The following LDB3 variants were observed in gnomAD, a reference collection of about 807,000 sequenced individuals.
LDB3 encodes LIM domain-binding protein 3.
LDB3 carries 49 observed loss-of-function variants against 69.0 expected under a neutral mutation model. That is an observed-to-expected ratio of 0.71 (90% CI 0.56 to 0.90). LDB3 has a LOEUF of 0.90. Among genes scored for constraint, LDB3 ranks in the 40% least tolerant of loss-of-function variants. The pLI is 0.00. For synonymous variants in LDB3, 387 were observed against 396.2 expected (o/e 0.98, Z 0.28); for missense variants, 928 against 974.1 (o/e 0.95, Z 0.63).
At position 86,734,666 on chromosome 10, in the gene LDB3, G is replaced by A. The variant is rs1043819161; in HGVS notation, c.*1690G>A. The A allele has an allele frequency of 1.3e-5, 2 of 152,176 alleles. No homozygotes were observed. Among genetic ancestry groups the A allele is most frequent in the African/African-American group, 4.8e-5 (2 of 41,436 alleles). The allele number at this position is 152,176 out of a possible 1,614,324, so 9.4% of individuals were successfully genotyped here. On this transcript the variant is annotated 3_prime_UTR_variant, in exon 14 of 14. Coordinates refer to ENST00000361373, the MANE Select transcript of LDB3 (RefSeq NM_007078.3). ...AAGGAAGCAGCTAGCTATGTCCCTAGCTGCAGGAAGCCCCTATTTTTTCCA... is the reference window on the plus strand; with the variant it reads ...AAGGAAGCAGCTAGCTATGTCCCTAACTGCAGGAAGCCCCTATTTTTTCCA...
intron 2 of LDB3, among the ~76,000 whole-genome samples, chr10:86,676,586 GAA>G (rs66814147): frequency 1.3e-4 from 17 of 134,120 alleles, no homozygotes; most frequent in East Asian, 4.3e-4. Context: ...AAAAGAGAAA[GAA>G]AAAAAAAAAA....
rs564087054 is a variant in LDB3, at chr10:86,680,575, G to A, written c.321+418G>A. On this transcript the variant is annotated intron_variant, in intron 4 of 13. Transcript: ENST00000361373. ...CCCAGCTTGACGAGGACCTCCAGGT[G>A]TGGAGGGGCCTGCTGGCCTCACCCA... Among the ~76,000 whole-genome samples, 11 of 152,318 alleles carry A rather than the reference G, an allele frequency of 7.2e-5. No homozygotes were observed. In the East Asian group the frequency reaches 1.9e-3, roughly 27 times the overall value.
intron 7 of LDB3, among the ~76,000 whole-genome samples, chr10:86,700,794 C>A (rs1846231211): frequency 6.6e-6 from 1 of 152,238 alleles, no homozygotes; most frequent in African/African-American, 2.4e-5. Context: ...CAGGCCTGAC[C>A]ACTTAGAAAG....
At chr10:86,691,762 C>A (rs1468136056) in intron 5 of LDB3, 134 bp from the exon 6 acceptor site, 1 of 1,017,712 alleles carries the variant, frequency 9.8e-7, no homozygotes, top group African/African-American at 1.6e-5. Context: ...ATCTCAGGTT[C>A]TCAGACAGCA....
chr10:86,718,926 T>A, intron 12 of LDB3, 79 bp downstream of exon 12: 1 of 1,573,016 alleles, frequency 6.4e-7, no homozygotes, highest in Non-Finnish European at 8.7e-7. Context: ...AACTCCTGCC[T>A]AATCCATTCA....
chr10:86,708,946 A>C (rs553919390), intron 8 of LDB3, among the ~76,000 whole-genome samples: 2 of 152,316 alleles, frequency 1.3e-5, no homozygotes, highest in South Asian at 2.1e-4. Flanking sequence ...AGACAGAAGG[A>C]AGGCAGAAAG....
rs1213426046 is a variant in LDB3 at position 86,728,590 on chromosome 10, T to TTTTTTTTGTTTTTTG, written c.2094+2345_2094+2346insGTTTTTTGTTTTTTT. 4.2e-3 allele frequency among the ~76,000 whole-genome samples: 632 copies of TTTTTTTTGTTTTTTG among 148,934 alleles called. 12 individuals carry two copies. The highest frequency in any genetic ancestry group is 0.014 in the African/African-American group (577 of 40,330). On this transcript the variant is annotated intron_variant, in intron 13 of 13. Coordinates refer to ENST00000361373, the MANE Select transcript of LDB3 (RefSeq NM_007078.3). ...AAAGTGGAACATGGTTCTTTTGTTT[T>TTTTTTTTGTTTTTTG]TTTTTTTTTTTGAGACAAAGTCTTG...
At chr10:86,679,637 G>A in intron 3 of LDB3, 119 bp downstream of exon 3, 2 of 1,191,510 alleles carry the variant, frequency 1.7e-6, no homozygotes, top group Non-Finnish European at 2.4e-6. Context: ...ACAAAACTGT[G>A]CAGGAAGATA....
chr10:86,727,953 C>T (rs1458307930), intron 13 of LDB3, among the ~76,000 whole-genome samples: 5 of 151,682 alleles, frequency 3.3e-5, no homozygotes, highest in Middle Eastern at 3.4e-3. Flanking sequence ...TTGTGGAATA[C>T]AATTCAACCC....
rs951636547 is a variant in LDB3, at chr10:86,734,813, A to C, written c.*1837A>C. Reference sequence around the variant, plus strand: ...TGAATACAAAGCAGCAGGCAGAGTAAAATCTGCTGGGACTGCCTGGAGATT... The same window carrying C: ...TGAATACAAAGCAGCAGGCAGAGTACAATCTGCTGGGACTGCCTGGAGATT... On this transcript the variant is annotated 3_prime_UTR_variant, in exon 14 of 14. Coordinates refer to ENST00000361373, the MANE Select transcript of LDB3 (RefSeq NM_007078.3). The C allele has an allele frequency of 6.6e-6, 1 of 152,196 alleles. No individual in the cohort carries two copies. The highest frequency in any genetic ancestry group is 6.5e-5 in the Admixed American group (1 of 15,280). The allele number at this position is 152,196 out of a possible 1,614,324, so 9.4% of individuals were successfully genotyped here.
Position 86,699,573 on chromosome 10 carries a change from T to C in LDB3, c.897-6958T>C, listed in dbSNP as rs1005741971. The C allele has an allele frequency of 1.4e-5, 20 of 1,432,594 alleles. No homozygotes were observed. Among genetic ancestry groups the C allele is most frequent in the Non-Finnish European group, 1.7e-5 (19 of 1,093,522 alleles). The allele number at this position is 1,432,594 out of a possible 1,614,324, so 88.7% of individuals were successfully genotyped here. On this transcript the variant is annotated intron_variant, in intron 7 of 13. Coordinates refer to ENST00000361373, the MANE Select transcript of LDB3 (RefSeq NM_007078.3). The surrounding 1 kb of genome is among the most constrained non-coding windows in gnomAD (Gnocchi z 4.9). ...TGGGGCCCAGCCCCCTGCAGCTCTG[T>C]ACCCACCAAACCTCCCCAGGGCAAC...
intron 7 of LDB3, among the ~76,000 whole-genome samples, chr10:86,694,370 C>T (rs1202319514): frequency 6.6e-6 from 1 of 152,168 alleles, no homozygotes; most frequent in Admixed American, 6.5e-5. Flanking sequence ...GGTTCAGCCT[C>T]AGCAAAAGGC....
intron 12 of LDB3, among the ~76,000 whole-genome samples, chr10:86,720,312 C>T (rs1251948554): frequency 6.6e-6 from 1 of 152,036 alleles, no homozygotes; most frequent in African/African-American, 2.4e-5. Flanking sequence ...AGCATGATGG[C>T]GGGCGTCTGT....
chr10:86,671,292 G>C (rs1844456979), intron 2 of LDB3, among the ~76,000 whole-genome samples: 1 of 152,196 alleles, frequency 6.6e-6, no homozygotes, highest in South Asian at 2.1e-4. Flanking sequence ...CTAATAGAGA[G>C]GCACTGGGGA....
At position 86,692,672 on chromosome 10, in the gene LDB3, C is replaced by G; in HGVS notation, c.896+101C>G. The G allele has an allele frequency of 5.4e-6, 6 of 1,103,722 alleles. No homozygotes were observed. The South Asian group carries it at 7.5e-5, about 14-fold the overall frequency. 68.4% of individuals were successfully genotyped at this position (1,103,722 alleles called of 1,614,324 possible). On this transcript the variant is annotated intron_variant, in intron 7 of 13. Coordinates refer to ENST00000361373, the MANE Select transcript of LDB3 (RefSeq NM_007078.3). ...ACTCATGGAAGGGACCTCTCAAGTT[C>G]ATGGATTTGGAAAGCCTGGCCTGCA...
chr10:86,709,818 C>G, intron 8 of LDB3, 87 bp from the exon 9 acceptor site: 1 of 1,478,424 alleles, frequency 6.8e-7, no homozygotes, highest in East Asian at 2.3e-5. Flanking sequence ...ACAGAGGCTT[C>G]TGAAGACCTG....
rs923272426 is a variant in LDB3, at chr10:86,735,161, AC to A, written c.*2187del. ...GTAAAATATCTCAAAGGACGGTTTC[AC>A]CACCGTCCTTTATTGAATCAATTTT... On this transcript the variant is annotated 3_prime_UTR_variant, in exon 14 of 14. Transcript: ENST00000361373. The A allele has an allele frequency of 7.9e-5, 12 of 151,176 alleles. No homozygotes were observed. Among genetic ancestry groups the A allele is most frequent in the African/African-American group, 2.9e-4 (12 of 41,206 alleles). The allele number at this position is 151,176 out of a possible 1,614,324, so 9.4% of individuals were successfully genotyped here.
At chr10:86,704,129 A>G (rs1846358167) in intron 7 of LDB3, among the ~76,000 whole-genome samples, 1 of 126,014 alleles carries the variant, frequency 7.9e-6, no homozygotes, top group Non-Finnish European at 1.7e-5. Flanking sequence ...AAAAAAGAGA[A>G]AAAAAAAAAA....
At chr10:86,718,213 C>T (rs1029719830) in intron 11 of LDB3, 69 bp downstream of exon 11, 6 of 1,475,632 alleles carry the variant, frequency 4.1e-6, no homozygotes, top group African/African-American at 1.4e-5. Context: ...ATCGTGGGAT[C>T]CCATTAGGAA....
Sources: gnomAD v4.1 joint callset for allele counts (sites outside exome capture counted in the v4.1 genomes callset) on GRCh38, gnomAD v4.1.1 for gene constraint, Gnocchi (gnomAD v3.1) non-coding constraint, MANE v1.5 for transcripts, NCBI Gene and HGNC (gene_info 2026-07-23, HGNC 2026-07-21) for gene names.